The following ESYT2 variants were observed in gnomAD, a reference collection of about 807,000 sequenced individuals.
ESYT2 encodes extended synaptotagmin 2, also known as extended synaptotagmin-2.
In ESYT2, 54 loss-of-function variants were observed where a neutral mutation model predicts 107.2. The ratio of observed to expected loss-of-function variants is 0.50; its 90% CI spans 0.40 to 0.63. The LOEUF is 0.63. Ranked by LOEUF, ESYT2 falls within the 30% of genes least tolerant of loss-of-function variation. The probability of loss-of-function intolerance (pLI) is 0.00; values close to 1 mark genes in which losing one functional copy is unlikely to be tolerated. For missense variants in ESYT2, 1,020 were observed against 1,094.5 expected (o/e 0.93, Z 0.96); for synonymous variants, 491 against 434.1 (o/e 1.13, Z -1.63).
chr7:158,796,284 T>A (rs144812480), intron 3 of ESYT2, among the ~76,000 whole-genome samples: 37 of 152,232 alleles, frequency 2.4e-4, no homozygotes, highest in African/African-American at 8.2e-4. Context: ...AAGAAAAACT[T>A]CCCATGATCA....
At chr7:158,825,162 G>A (rs937240727) in intron 1 of ESYT2, among the ~76,000 whole-genome samples, 3 of 152,068 alleles carry the variant, frequency 2.0e-5, no homozygotes, top group Admixed American at 6.6e-5. Context: ...ACGTGGTGAC[G>A]GGCGCCTGTA....
Position 158,815,169 on chromosome 7 carries a change from G to A in ESYT2, c.330+13920C>T, listed in dbSNP as rs1450588932. Among the ~76,000 whole-genome samples the A allele has an allele frequency of 4.6e-5, 7 of 152,156 alleles. No homozygotes were observed. In the South Asian group the frequency reaches 6.2e-4, roughly 13 times the overall value. ...CACGGGTTTTCTGTTACACTCCTCCGAGTGCAGAGAGGCAGCTCCCTTGTG... is the reference window on the plus strand; with the variant it reads ...CACGGGTTTTCTGTTACACTCCTCCAAGTGCAGAGAGGCAGCTCCCTTGTG... On this transcript the variant is annotated intron_variant, in intron 1 of 22. Coordinates refer to ENST00000275418, the MANE Select transcript of ESYT2 (RefSeq NM_001367773.1).
At chr7:158,768,342 A>G (rs1380455619) in intron 7 of ESYT2, among the ~76,000 whole-genome samples, 1 of 152,214 alleles carries the variant, frequency 6.6e-6, no homozygotes, top group Non-Finnish European at 1.5e-5. Context: ...TATTGGACAC[A>G]TTAATAATTT....
At chr7:158,800,691 A>G (rs1319026187) in intron 1 of ESYT2, among the ~76,000 whole-genome samples, 1 of 148,034 alleles carries the variant, frequency 6.8e-6, no homozygotes, top group Non-Finnish European at 1.5e-5. Context: ...TGCCCAGTCC[A>G]CTTTTTTTTA....
At chr7:158,744,388 TG>T (rs1020211131) in intron 16 of ESYT2, among the ~76,000 whole-genome samples, 6 of 152,212 alleles carry the variant, frequency 3.9e-5, no homozygotes, top group Admixed American at 2.0e-4. Flanking sequence ...TTTTAACCCC[TG>T]GGAAAATGGT....
intron 13 of ESYT2, among the ~76,000 whole-genome samples, chr7:158,753,461 T>G (rs1837649045): frequency 6.6e-6 from 1 of 152,208 alleles, no homozygotes; most frequent in Non-Finnish European, 1.5e-5. Flanking sequence ...TTTTTCCAAT[T>G]CATTAGTTTC....
rs1837907669 is a variant in ESYT2, at chr7:158,760,112, T to C, written c.1269A>G (p.Leu423=). The stretch of plus-strand genomic sequence containing the variant: ...ACGTGAGCCACTCCAGTCTCAAGTG[T>C]AGCTTCCCCTTGGGAACCTCGTCCA... ...FTLDEVPKGK[L]HLRLEWLTLM... Residue 423 remains leucine, a synonymous_variant, in exon 12 of 23, where the codon CTA becomes CTG. Coordinates refer to ENST00000275418, the MANE Select transcript of ESYT2 (RefSeq NM_001367773.1). 6.2e-7 allele frequency: 1 copy of C among 1,614,234 alleles called. No individual in the cohort carries two copies. Among genetic ancestry groups the C allele is most frequent in the Non-Finnish European group, 8.5e-7 (1 of 1,180,038 alleles).
Position 158,774,437 on chromosome 7 carries a change from T to C in ESYT2, c.748-1041A>G, listed in dbSNP as rs530378595. Among the ~76,000 whole-genome samples the C allele has an allele frequency of 6.6e-5, 10 of 151,896 alleles. No homozygotes were observed. The East Asian group carries it at 1.5e-3, about 24-fold the overall frequency. ...TGGATTGCAAACATCAGTATCAACCTATGCTTTACCTCCCCCTTAAAATAA... is the reference window on the plus strand; with the variant it reads ...TGGATTGCAAACATCAGTATCAACCCATGCTTTACCTCCCCCTTAAAATAA... On this transcript the variant is annotated intron_variant, in intron 6 of 22. Transcript: ENST00000275418.
At chr7:158,751,255 A>G (rs1051663558) in intron 14 of ESYT2, among the ~76,000 whole-genome samples, 1 of 152,190 alleles carries the variant, frequency 6.6e-6, no homozygotes, top group Non-Finnish European at 1.5e-5. Flanking sequence ...TGTTTATCCT[A>G]AAATTCTCTA....
At chr7:158,774,287 AAAAC>A (rs764534802) in intron 6 of ESYT2, among the ~76,000 whole-genome samples, 22 of 152,172 alleles carry the variant, frequency 1.4e-4, no homozygotes, top group South Asian at 6.2e-4. Context: ...ACAAAACTTA[AAAAC>A]AAACAAACAA....
rs776040746 is a variant in ESYT2 at position 158,739,062 on chromosome 7, G to C, written c.2228C>G (p.Ser743Trp). The change falls in exon 19 of 23, where the codon TCG (serine) becomes TGG (tryptophan). Residue 743 changes from serine to tryptophan, a missense_variant. Transcript: ENST00000275418. ...GQIQLTIRHS[S>W]QRNKLIVVVH... ...GACCACGATAAGCTTGTTTCTCTGC[G>C]AGCTGTGCCGGATGGTCAGCTGGAT... The C allele has an allele frequency of 6.2e-7, 1 of 1,614,134 alleles. No homozygotes were observed. The highest frequency in any genetic ancestry group is 1.1e-5 in the South Asian group (1 of 91,076).
intron 10 of ESYT2, among the ~76,000 whole-genome samples, chr7:158,761,963 A>AT (rs1402746764): frequency 6.6e-6 from 1 of 152,210 alleles, no homozygotes; most frequent in Non-Finnish European, 1.5e-5. Context: ...CAACTCCAGT[A>AT]GGGTTGTGCG....
intron 1 of ESYT2, among the ~76,000 whole-genome samples, chr7:158,825,551 G>C (rs1014597759): frequency 6.6e-6 from 1 of 152,206 alleles, no homozygotes; most frequent in African/African-American, 2.4e-5. Context: ...AGTTAAGTGA[G>C]AGCCATCTGT....
chr7:158,738,839 G>A (rs754926851), intron 19 of ESYT2, among the ~76,000 whole-genome samples, 184 bp downstream of exon 19: 19 of 152,226 alleles, frequency 1.2e-4, no homozygotes, highest in Admixed American at 5.9e-4. Flanking sequence ...CCAAAACGTT[G>A]TCATGTGACA....
At chr7:158,817,258 C>CT (rs929264185) in intron 1 of ESYT2, among the ~76,000 whole-genome samples, 12 of 152,328 alleles carry the variant, frequency 7.9e-5, no homozygotes, top group African/African-American at 2.6e-4. Context: ...CTGACAGACT[C>CT]TTTAAGTCTG....
intron 1 of ESYT2, among the ~76,000 whole-genome samples, chr7:158,820,524 C>T (rs957443470): frequency 6.6e-6 from 1 of 152,200 alleles, no homozygotes; most frequent in Non-Finnish European, 1.5e-5. Context: ...CAGTGGCTCA[C>T]GCCTGTATTC....
chr7:158,807,718 A>C (rs1839873462), intron 1 of ESYT2, among the ~76,000 whole-genome samples: 1 of 152,220 alleles, frequency 6.6e-6, no homozygotes, highest in African/African-American at 2.4e-5. Context: ...GGTCTCTGTC[A>C]CTACAACTCA....
At chr7:158,809,333 G>A (rs1839925264) in intron 1 of ESYT2, among the ~76,000 whole-genome samples, 1 of 151,854 alleles carries the variant, frequency 6.6e-6, no homozygotes, top group Admixed American at 6.6e-5. Flanking sequence ...AAAAGTAGCT[G>A]GGCGTGGTGG....
chr7:158,747,127 G>A (rs149962718), intron 16 of ESYT2, among the ~76,000 whole-genome samples: 2 of 151,978 alleles, frequency 1.3e-5, no homozygotes, highest in Non-Finnish European at 2.9e-5. Context: ...GGGCGGATCA[G>A]CTGAGGTCAG....
Sources: allele counts gnomAD v4.1 joint callset (sites outside exome capture counted in the v4.1 genomes callset), GRCh38; gene constraint gnomAD v4.1.1; transcripts MANE v1.5; gene names NCBI Gene and HGNC (gene_info 2026-07-23, HGNC 2026-07-21).